SGCZ: variants seen among roughly 807,000 people sequenced by gnomAD.
SGCZ encodes the protein zeta-sarcoglycan.
A neutral mutation model predicts 41.3 loss-of-function variants in SGCZ; 40 were observed. The observed-to-expected ratio is 0.97, with a 90% CI of 0.75 to 1.26. The LOEUF (loss-of-function observed/expected upper bound fraction) is 1.26, where lower values mean the gene tolerates loss of function less well. Among genes scored for constraint, SGCZ ranks in the 50% most tolerant of loss-of-function variants. The pLI is 0.00. For missense variants in SGCZ, 552 were observed against 369.8 expected, an observed-to-expected ratio of 1.49 and a Z score of -4.04; for synonymous variants, 206 against 137.5, an observed-to-expected ratio of 1.50 and a Z score of -3.49.
At chr8:15,148,557 A>T (rs1195798474) in intron 1 of SGCZ, among the ~76,000 whole-genome samples, 1 of 152,194 alleles carries the variant, frequency 6.6e-6, no homozygotes, top group East Asian at 1.9e-4. Flanking sequence ...CATTGTCCTA[A>T]ATATCCTCTG....
At chr8:14,953,863 C>T (rs1261912465) in intron 1 of SGCZ, among the ~76,000 whole-genome samples, 1 of 152,180 alleles carries the variant, frequency 6.6e-6, no homozygotes, top group African/African-American at 2.4e-5. Context: ...TTCTTGTAAA[C>T]ACTCAAGTCT....
At chr8:15,216,923 G>T (rs921910922) in intron 1 of SGCZ, among the ~76,000 whole-genome samples, 1 of 152,032 alleles carries the variant, frequency 6.6e-6, no homozygotes, top group African/African-American at 2.4e-5. Flanking sequence ...TCTGCACATG[G>T]GATTAGGGTA....
chr8:14,181,868 T>C (rs1214366248), intron 4 of SGCZ, among the ~76,000 whole-genome samples: 1 of 152,176 alleles, frequency 6.6e-6, no homozygotes, highest in Non-Finnish European at 1.5e-5. Context: ...CTAATACACC[T>C]GTTACAATTA....
intron 1 of SGCZ, among the ~76,000 whole-genome samples, chr8:14,692,058 T>C (rs1159390152): frequency 6.6e-6 from 1 of 151,982 alleles, no homozygotes; most frequent in Non-Finnish European, 1.5e-5. Context: ...TTCTCAAGAA[T>C]GTCAACAACA....
intron 1 of SGCZ, among the ~76,000 whole-genome samples, chr8:14,890,869 C>T (rs1409151936): frequency 6.6e-6 from 1 of 152,134 alleles, no homozygotes; most frequent in African/African-American, 2.4e-5. Flanking sequence ...TTCCAAAATC[C>T]TCAGGCTCTT....
intron 4 of SGCZ, among the ~76,000 whole-genome samples, chr8:14,186,804 A>G (rs546580426): frequency 4.4e-4 from 67 of 152,322 alleles, no homozygotes; most frequent in African/African-American, 1.5e-3. Flanking sequence ...AAGGAGACCA[A>G]AACTTCATCG....
At chr8:14,287,572 T>C (rs912669929) in intron 3 of SGCZ, among the ~76,000 whole-genome samples, 4 of 152,138 alleles carry the variant, frequency 2.6e-5, no homozygotes, top group East Asian at 3.9e-4. Context: ...TTTTACAAAA[T>C]GCTCTTTGAA....
chr8:14,580,733 C>G (rs1804860220), intron 1 of SGCZ, among the ~76,000 whole-genome samples: 4 of 152,120 alleles, frequency 2.6e-5, no homozygotes, highest in Admixed American at 2.6e-4. Flanking sequence ...CAAAGAAATG[C>G]TTTAACCAAG....
At chr8:14,330,245 A>G (rs575535685) in intron 2 of SGCZ, among the ~76,000 whole-genome samples, 38 of 152,238 alleles carry the variant, frequency 2.5e-4, no homozygotes, top group African/African-American at 8.7e-4. Context: ...TCTTCATCTT[A>G]CATAATCCTT....
chr8:15,051,276 A>T (rs1481068914), intron 1 of SGCZ, among the ~76,000 whole-genome samples: 2 of 152,324 alleles, frequency 1.3e-5, no homozygotes, highest in East Asian at 1.9e-4. Flanking sequence ...GAGAAAAAGA[A>T]TATTTATTCT....
chr8:14,958,258 A>G (rs1057237312), intron 1 of SGCZ, among the ~76,000 whole-genome samples: 2 of 152,234 alleles, frequency 1.3e-5, no homozygotes, highest in Non-Finnish European at 2.9e-5. Flanking sequence ...TTTACCCAAG[A>G]GAAAATATGT....
At chr8:14,101,272 A>G (rs1353128639) in intron 7 of SGCZ, among the ~76,000 whole-genome samples, 2 of 152,174 alleles carry the variant, frequency 1.3e-5, no homozygotes, top group East Asian at 3.8e-4. Flanking sequence ...CAGTAAGAGA[A>G]AGAAACTGGG....
chr8:14,229,238 T>C (rs1324949649), intron 4 of SGCZ, among the ~76,000 whole-genome samples: 3 of 152,140 alleles, frequency 2.0e-5, no homozygotes, highest in African/African-American at 7.2e-5. Context: ...TGAGCATCTC[T>C]GAGGCATTGG....
chr8:15,116,188 T>C (rs924302021), intron 1 of SGCZ, among the ~76,000 whole-genome samples: 1 of 152,202 alleles, frequency 6.6e-6, no homozygotes, highest in African/African-American at 2.4e-5. Flanking sequence ...CAACTCTTCA[T>C]TTTTAAATGT....
At chr8:14,797,816 G>A (rs1340958190) in intron 1 of SGCZ, among the ~76,000 whole-genome samples, 1 of 152,160 alleles carries the variant, frequency 6.6e-6, no homozygotes, top group Non-Finnish European at 1.5e-5. Flanking sequence ...CATCCCAGCT[G>A]CCCCAGCCAT....
At chr8:14,533,430 T>C (rs1488893727) in intron 2 of SGCZ, among the ~76,000 whole-genome samples, 5 of 152,048 alleles carry the variant, frequency 3.3e-5, no homozygotes, top group African/African-American at 1.2e-4. Flanking sequence ...ATTATATTCA[T>C]TATTGATTGA....
At chr8:14,637,051 C>A (rs928815346) in intron 1 of SGCZ, among the ~76,000 whole-genome samples, 9 of 150,590 alleles carry the variant, frequency 6.0e-5, no homozygotes, top group East Asian at 2.0e-4. Flanking sequence ...TATTTTTTTT[C>A]TTTTTCATAC....
intron 1 of SGCZ, among the ~76,000 whole-genome samples, chr8:14,891,753 C>T (rs918457532): frequency 1.2e-4 from 18 of 152,150 alleles, no homozygotes; most frequent in Non-Finnish European, 2.2e-4. Flanking sequence ...TCAATCAATG[C>T]AGCAGACTTT....
chr8:14,905,854 C>T (rs1004050907), intron 1 of SGCZ, among the ~76,000 whole-genome samples: 6 of 151,396 alleles, frequency 4.0e-5, no homozygotes, highest in Admixed American at 6.6e-5. Context: ...TGAACACATA[C>T]GGAAAACAAT....
Sources: gnomAD v4.1 joint callset for allele counts (sites outside exome capture counted in the v4.1 genomes callset) on GRCh38, gnomAD v4.1.1 for gene constraint, MANE v1.5 for transcripts, NCBI Gene and HGNC (gene_info 2026-07-23, HGNC 2026-07-21) for gene names.